Variants in CFAP20DC observed in about 807,000 individuals in gnomAD.
CFAP20DC encodes the protein protein CFAP20DC.
A neutral mutation model predicts 101.7 loss-of-function variants in CFAP20DC; 84 were observed. The ratio of observed to expected loss-of-function variants is 0.83; its 90% confidence interval spans 0.69 to 0.99. The LOEUF (loss-of-function observed/expected upper bound fraction) is 0.99. Ranked by LOEUF, CFAP20DC falls within the 50% of genes least tolerant of loss-of-function variation. CFAP20DC has a pLI of 0.00. For synonymous variants in CFAP20DC, 359 were observed against 351.2 expected, an observed-to-expected ratio of 1.02 and a Z score of -0.25; for missense variants, 1,007 against 970.3, an observed-to-expected ratio of 1.04 and a Z score of -0.50.
intron 15 of CFAP20DC, among the ~76,000 whole-genome samples, chr3:58,777,230 C>T (rs1354754232): frequency 2.6e-5 from 4 of 152,174 alleles, no homozygotes; most frequent in Non-Finnish European, 5.9e-5. Context: ...TCTTACCTAC[C>T]TATGACCTGG....
intron 16 of CFAP20DC, among the ~76,000 whole-genome samples, chr3:58,753,381 A>G (rs1208472510): frequency 1.3e-5 from 2 of 152,200 alleles, no homozygotes; most frequent in African/African-American, 2.4e-5. Flanking sequence ...TTGAATCTTC[A>G]CAAGGAATAA....
rs2067599704 is a variant in CFAP20DC, at chr3:58,729,218, T to C, written c.198-11590A>G. 6.6e-6 allele frequency among the ~76,000 whole-genome samples: 1 copy of C among 152,234 alleles called. No homozygotes were observed. The highest frequency in any genetic ancestry group is 2.1e-4 in the South Asian group (1 of 4,836). The stretch of plus-strand genomic sequence containing the variant: ...AACTAAGTTTTAGGGTAATGTGTTA[T>C]GCAGCAATAGACAACTAATATAATA... On this transcript the variant is annotated intron_variant, in intron 3 of 3. Transcript: ENST00000486145. This position sits in a 1 kb window ranked among gnomAD's most constrained non-coding sequence, Gnocchi z 4.4.
intron 14 of CFAP20DC, among the ~76,000 whole-genome samples, chr3:58,814,666 A>G (rs2074969752): frequency 6.6e-6 from 1 of 151,030 alleles, no homozygotes; most frequent in Non-Finnish European, 1.5e-5. Context: ...AAGTCTCAGG[A>G]TACAAAATCA....
At chr3:58,798,306 G>A (rs1439653076) in intron 15 of CFAP20DC, among the ~76,000 whole-genome samples, 1 of 152,126 alleles carries the variant, frequency 6.6e-6, no homozygotes, top group East Asian at 1.9e-4. Context: ...CAGAAGTTTG[G>A]GAGAAATCAG....
Position 58,799,899 on chromosome 3 carries a change from T to C in CFAP20DC, c.2237+6496A>G, listed in dbSNP as rs1215209636. Among the ~76,000 whole-genome samples, 1 of 152,064 alleles carries C rather than the reference T, an allele frequency of 6.6e-6. No homozygotes were observed. Among genetic ancestry groups the C allele is most frequent in the Non-Finnish European group, 1.5e-5 (1 of 68,000 alleles). On this transcript the variant is annotated intron_variant, in intron 15 of 16. Transcript: ENST00000482387. This position sits in a 1 kb window ranked among gnomAD's most constrained non-coding sequence, Gnocchi z 4.9. ...GAAAGGGCCTCCTGAGGAGAGGATG[T>C]TTATTTACGTGGAGACTCTACTGAC...
At chr3:58,749,015 T>A (rs1312176974) in intron 16 of CFAP20DC, among the ~76,000 whole-genome samples, 1 of 152,194 alleles carries the variant, frequency 6.6e-6, no homozygotes, top group Admixed American at 6.5e-5. Context: ...TACACAATGG[T>A]GCTTTATTAA....
chr3:58,961,163 T>G (rs1414418764), intron 4 of CFAP20DC, among the ~76,000 whole-genome samples: 2 of 152,238 alleles, frequency 1.3e-5, no homozygotes, highest in Admixed American at 6.5e-5. Context: ...TGTTGAAGGT[T>G]TTTATATGTG....
chr3:58,742,399 G>T lies in CFAP20DC; in HGVS notation c.*61C>A. 1.4e-6 allele frequency: 2 copies of T among 1,450,224 alleles called. No individual in the cohort carries two copies. Among genetic ancestry groups the T allele is most frequent in the South Asian group, 1.6e-5 (1 of 61,412 alleles). The allele number at this position is 1,450,224 out of a possible 1,614,324, so 89.8% of individuals were successfully genotyped here. On this transcript the variant is annotated 3_prime_UTR_variant, in exon 17 of 17. Transcript: ENST00000482387. ...CATAAGTTGTGGTGACTCCTTAAGC[G>T]ACCCTGAACTGCTATTCTGCTCCAG...
At chr3:58,949,988 T>G (rs944617932) in intron 4 of CFAP20DC, among the ~76,000 whole-genome samples, 29 of 152,198 alleles carry the variant, frequency 1.9e-4, no homozygotes, top group Non-Finnish European at 3.5e-4. Flanking sequence ...GTTGTCCCTG[T>G]TTGCAGATGA....
At chr3:58,803,241 T>C (rs916416358) in intron 15 of CFAP20DC, among the ~76,000 whole-genome samples, 3 of 152,190 alleles carry the variant, frequency 2.0e-5, no homozygotes, top group Non-Finnish European at 4.4e-5. Flanking sequence ...CTCTGCCATA[T>C]TGGCATTACT....
In CFAP20DC at chr3:59,014,608, C is replaced by T. The variant is rs1237347135; in HGVS notation, c.278+24949G>A. ...TGTGGTAATTATAATATGCTGCTGC[C>T]TTTAATTATCTCAATGGCTGTCAAA... On this transcript the variant is annotated intron_variant, in intron 4 of 16. Transcript: ENST00000482387. The surrounding 1 kb of genome is among the most constrained non-coding windows in gnomAD (Gnocchi z 4.9). Among the ~76,000 whole-genome samples, 2 of 152,102 alleles carry T rather than the reference C, an allele frequency of 1.3e-5. No individual in the cohort carries two copies. Among genetic ancestry groups the T allele is most frequent in the Non-Finnish European group, 2.9e-5 (2 of 68,012 alleles).
In CFAP20DC at chr3:58,866,659, C is replaced by T; in HGVS notation, c.1165G>A (p.Asp389Asn). 1 of 1,594,084 alleles carries T rather than the reference C, an allele frequency of 6.3e-7. No homozygotes were observed. Among genetic ancestry groups the T allele is most frequent in the Non-Finnish European group, 8.6e-7 (1 of 1,162,132 alleles). Reference sequence around the variant, plus strand: ...GTGGTGAGGATAGTTGATGCTTTATCTTCAATCCTATTATTTCCTGAAGAG... The same window carrying T: ...GTGGTGAGGATAGTTGATGCTTTATTTTCAATCCTATTATTTCCTGAAGAG... Reference protein sequence around the residue: ...GSSSGNNRIEDKASTILTTVS... With the variant: ...GSSSGNNRIENKASTILTTVS... Residue 389 changes from aspartate to asparagine, a missense_variant, in exon 11 of 17, where the codon GAT (aspartate) becomes AAT (asparagine). Coordinates refer to ENST00000482387, the MANE Select transcript of CFAP20DC (RefSeq NM_001394063.1).
At chr3:58,752,286 A>T (rs1255598067) in intron 16 of CFAP20DC, among the ~76,000 whole-genome samples, 1 of 152,128 alleles carries the variant, frequency 6.6e-6, no homozygotes, top group Non-Finnish European at 1.5e-5. Flanking sequence ...CAAGCATATA[A>T]GAAAAGGGCC....
At chr3:58,818,109 C>G (rs924511988) in intron 14 of CFAP20DC, among the ~76,000 whole-genome samples, 2 of 150,106 alleles carry the variant, frequency 1.3e-5, no homozygotes, top group Non-Finnish European at 3.0e-5. Flanking sequence ...TTGTCACCAC[C>G]AGGCCTGCCC....
At chr3:59,009,195 A>C (rs954506575) in intron 4 of CFAP20DC, among the ~76,000 whole-genome samples, 3 of 152,156 alleles carry the variant, frequency 2.0e-5, no homozygotes, top group African/African-American at 7.2e-5. Flanking sequence ...AAATAAATTC[A>C]AGAACAATTT....
intron 15 of CFAP20DC, among the ~76,000 whole-genome samples, chr3:58,770,987 A>G (rs2070786673): frequency 6.6e-6 from 1 of 152,208 alleles, no homozygotes; most frequent in African/African-American, 2.4e-5. Flanking sequence ...AATAGCAAAG[A>G]CTTGGAACCA....
At chr3:58,922,439 G>T (rs2085485583) in intron 5 of CFAP20DC, among the ~76,000 whole-genome samples, 1 of 152,202 alleles carries the variant, frequency 6.6e-6, no homozygotes, top group Admixed American at 6.5e-5. Context: ...CCTGGTGGGG[G>T]TGTTTGGGTC....
chr3:58,972,843 G>C (rs1171205518), intron 4 of CFAP20DC, among the ~76,000 whole-genome samples: 6 of 152,158 alleles, frequency 3.9e-5, no homozygotes, highest in Admixed American at 3.9e-4. Flanking sequence ...AGAAGGCACA[G>C]TCTATTAGTC....
chr3:58,979,277 C>G (rs534448775), intron 4 of CFAP20DC, among the ~76,000 whole-genome samples: 9 of 152,188 alleles, frequency 5.9e-5, no homozygotes, highest in African/African-American at 1.9e-4. Flanking sequence ...CAAGTTAGGG[C>G]TCCCTCTTCT....
Sources: allele counts gnomAD v4.1 joint callset (sites outside exome capture counted in the v4.1 genomes callset), GRCh38; gene constraint gnomAD v4.1.1; non-coding constraint Gnocchi (gnomAD v3.1); transcripts MANE v1.5; gene names NCBI Gene and HGNC (gene_info 2026-07-23, HGNC 2026-07-21).